Variants in CCSER1 observed in about 807,000 individuals in gnomAD.
CCSER1 encodes the protein coiled-coil serine rich protein 1.
In CCSER1, 41 loss-of-function variants were observed where a neutral mutation model predicts 82.0. The ratio of observed to expected loss-of-function variants is 0.50; its 90% confidence interval spans 0.39 to 0.65. The LOEUF (loss-of-function observed/expected upper bound fraction) is 0.65. Among genes scored for constraint, CCSER1 ranks in the 30% least tolerant of loss-of-function variants. CCSER1 has a pLI of 0.00. For missense variants in CCSER1, 1,119 were observed against 1,064.2 expected (o/e 1.05, Z -0.72); for synonymous variants, 414 against 383.9 (o/e 1.08, Z -0.92).
chr4:90,628,800 C>G (rs947719640), intron 6 of CCSER1, among the ~76,000 whole-genome samples: 1 of 152,010 alleles, frequency 6.6e-6, no homozygotes, highest in Admixed American at 6.5e-5. Context: ...ATTCTTTTAC[C>G]CTTGTGCCCA....
At chr4:90,795,691 G>A (rs2149679335) in intron 7 of CCSER1, among the ~76,000 whole-genome samples, 2 of 152,274 alleles carry the variant, frequency 1.3e-5, no homozygotes, top group East Asian at 1.9e-4. Context: ...TTTATCAAAA[G>A]TTTTTAACAT....
chr4:91,433,367 G>A (rs936869862), intron 10 of CCSER1, among the ~76,000 whole-genome samples: 41 of 152,220 alleles, frequency 2.7e-4, no homozygotes, highest in Non-Finnish European at 5.0e-4. Flanking sequence ...TAGCCTAAGC[G>A]TACAGTGTTT....
chr4:91,220,037 A>C (rs1265012714), intron 10 of CCSER1, among the ~76,000 whole-genome samples: 2 of 152,182 alleles, frequency 1.3e-5, no homozygotes, highest in Non-Finnish European at 2.9e-5. Flanking sequence ...TGAGAATGGG[A>C]GATCCACAGT....
intron 4 of CCSER1, among the ~76,000 whole-genome samples, chr4:90,433,882 A>ATG (rs916578222): frequency 6.6e-6 from 1 of 151,818 alleles, no homozygotes; most frequent in Non-Finnish European, 1.5e-5. Context: ...ATATATATAT[A>ATG]TATATGCAAA....
chr4:90,874,929 C>T (rs747670008), intron 8 of CCSER1, among the ~76,000 whole-genome samples: 2 of 152,092 alleles, frequency 1.3e-5, no homozygotes, highest in Non-Finnish European at 2.9e-5. Context: ...TCCTATAGTC[C>T]CAGCTACTCA....
chr4:90,431,532 G>A (rs904866587), intron 4 of CCSER1, among the ~76,000 whole-genome samples: 1 of 152,042 alleles, frequency 6.6e-6, no homozygotes, highest in Non-Finnish European at 1.5e-5. Flanking sequence ...TGTTTCTTAC[G>A]ATGCTTATTG....
chr4:90,228,781 C>T (rs1199599236), intron 1 of CCSER1, among the ~76,000 whole-genome samples: 1 of 152,148 alleles, frequency 6.6e-6, no homozygotes, highest in African/African-American at 2.4e-5. Flanking sequence ...CTTAAAGGAG[C>T]TGATGGAGCT....
chr4:90,683,673 C>A (rs911470917), intron 6 of CCSER1, among the ~76,000 whole-genome samples: 4 of 151,904 alleles, frequency 2.6e-5, no homozygotes, highest in Non-Finnish European at 4.4e-5. Flanking sequence ...CAATTTTCTG[C>A]TGTAATGATT....
chr4:90,325,769 T>G, intron 3 of CCSER1: 1 of 301,220 alleles, frequency 3.3e-6, no homozygotes, highest in South Asian at 2.8e-5. Context: ...TTTATGGTGT[T>G]GAAATTTAAA....
At chr4:91,456,395 GAA>G (rs769870997) in intron 10 of CCSER1, among the ~76,000 whole-genome samples, 16 of 152,042 alleles carry the variant, frequency 1.1e-4, no homozygotes, top group Non-Finnish European at 1.9e-4. Context: ...ATGAATAAAT[GAA>G]AAAGAGGTAG....
intron 4 of CCSER1, among the ~76,000 whole-genome samples, chr4:90,448,545 G>A (rs1308104496): frequency 6.8e-6 from 1 of 147,196 alleles, no homozygotes; most frequent in Admixed American, 6.9e-5. Flanking sequence ...ACTGCTGAAT[G>A]AGAATTTTAA....
chr4:91,403,147 C>T (rs1027413901), intron 10 of CCSER1, among the ~76,000 whole-genome samples: 2 of 152,072 alleles, frequency 1.3e-5, no homozygotes, highest in Non-Finnish European at 2.9e-5. Flanking sequence ...ATTTTATTCT[C>T]TTTGTAGCAA....
chr4:90,705,675 G>T (rs1739191625), intron 6 of CCSER1, among the ~76,000 whole-genome samples: 2 of 152,108 alleles, frequency 1.3e-5, no homozygotes, highest in Admixed American at 1.3e-4. Context: ...AGCAATGGTG[G>T]GCGCCCCTCC....
At chr4:90,974,690 AAATAAT>A (rs1037702055) in intron 9 of CCSER1, among the ~76,000 whole-genome samples, 2 of 151,466 alleles carry the variant, frequency 1.3e-5, no homozygotes, top group African/African-American at 4.8e-5. Context: ...AGGATAGTTA[AAATAAT>A]AATAATAAAA....
chr4:91,306,870 G>GT (rs980059198), intron 10 of CCSER1, among the ~76,000 whole-genome samples: 5 of 151,522 alleles, frequency 3.3e-5, no homozygotes, highest in East Asian at 3.9e-4. Context: ...TATTCCTTTT[G>GT]TTTTTTTTCT....
chr4:91,498,066 G>A (rs1195011793), intron 10 of CCSER1, among the ~76,000 whole-genome samples: 4 of 151,950 alleles, frequency 2.6e-5, no homozygotes, highest in Non-Finnish European at 4.4e-5. Context: ...CTGTGCATCC[G>A]GCCCTTGATA....
Position 91,600,076 on chromosome 4 carries a change from T to C in CCSER1, c.*1019T>C, listed in dbSNP as rs1297930062. ...TATTTTAGTAGCCAGCATACAATAT[T>C]CTGACTATGCAGAAATCTAGATTTG... On this transcript the variant is annotated 3_prime_UTR_variant, in exon 11 of 11. Transcript: ENST00000509176. 6.6e-6 allele frequency: 1 copy of C among 152,176 alleles called. No individual in the cohort carries two copies. Among genetic ancestry groups the C allele is most frequent in the Non-Finnish European group, 1.5e-5 (1 of 68,030 alleles). The allele number at this position is 152,176 out of a possible 1,614,324, so 9.4% of individuals were successfully genotyped here. A position where few individuals can be genotyped will look rare whatever the true frequency, so the allele number is the denominator to read the frequency against.
chr4:90,135,559 T>G (rs1723534028), intron 1 of CCSER1, among the ~76,000 whole-genome samples: 1 of 152,270 alleles, frequency 6.6e-6, no homozygotes, highest in Non-Finnish European at 1.5e-5. Context: ...TGATGCCAAC[T>G]ACTTATGGCA....
intron 8 of CCSER1, among the ~76,000 whole-genome samples, chr4:90,837,929 A>G (rs1386473698): frequency 6.6e-6 from 1 of 152,154 alleles, no homozygotes; most frequent in Non-Finnish European, 1.5e-5. Context: ...CCCAGTAATG[A>G]TATTTGGTGC....
Sources: allele counts gnomAD v4.1 joint callset (sites outside exome capture counted in the v4.1 genomes callset), GRCh38; gene constraint gnomAD v4.1.1; transcripts MANE v1.5; gene names NCBI Gene and HGNC (gene_info 2026-07-23, HGNC 2026-07-21).